NAV3: variants seen among roughly 807,000 people sequenced by gnomAD.
NAV3 encodes pore membrane and/or filament interacting like protein 1.
A neutral mutation model predicts 244.7 loss-of-function variants in NAV3; 87 were observed. The observed-to-expected ratio is 0.36, with a 90% CI of 0.30 to 0.42. The LOEUF (loss-of-function observed/expected upper bound fraction) is 0.42. Ranked by LOEUF, NAV3 falls within the 20% of genes least tolerant of loss-of-function variation. The pLI is 1.00. For missense variants in NAV3, 2,663 were observed against 2,893.3 expected, an observed-to-expected ratio of 0.92 and a Z score of 1.83; for synonymous variants, 1,126 against 1,042.2, an observed-to-expected ratio of 1.08 and a Z score of -1.55.
chr12:77,647,147 A>G (rs1872637965), intron 2 of NAV3, among the ~76,000 whole-genome samples: 1 of 152,094 alleles, frequency 6.6e-6, no homozygotes, highest in African/African-American at 2.4e-5. Flanking sequence ...GTAGCAGCAA[A>G]ACTTTGGAAA....
intron 8 of NAV3, 109 bp downstream of exon 8, chr12:78,007,554 G>C (rs911688897): frequency 2.1e-5 from 26 of 1,222,726 alleles, no homozygotes; most frequent in Non-Finnish European, 3.3e-6. Flanking sequence ...TCATTTTGGA[G>C]TAAAGTTTCA....
At chr12:77,939,351 T>C (rs941007051) in intron 1 of NAV3, among the ~76,000 whole-genome samples, 8 of 152,156 alleles carry the variant, frequency 5.3e-5, no homozygotes, top group African/African-American at 1.9e-4. Flanking sequence ...GGTTCTATGT[T>C]ATTTCCAGTT....
intron 5 of NAV3, among the ~76,000 whole-genome samples, chr12:77,986,277 G>A (rs926824167): frequency 2.6e-5 from 4 of 152,120 alleles, no homozygotes; most frequent in East Asian, 1.9e-4. Context: ...CAGGAGAATC[G>A]CTTGAACCTG....
At chr12:78,033,318 G>C (rs1056437439) in intron 9 of NAV3, among the ~76,000 whole-genome samples, 1 of 151,624 alleles carries the variant, frequency 6.6e-6, no homozygotes, top group Non-Finnish European at 1.5e-5. Context: ...TACTTAAATA[G>C]CCACATTATA....
intron 12 of NAV3, among the ~76,000 whole-genome samples, 189 bp downstream of exon 12, chr12:78,059,304 G>A (rs1168127733): frequency 6.6e-6 from 1 of 151,524 alleles, no homozygotes; most frequent in Admixed American, 6.6e-5. Context: ...TTTTTTGTGT[G>A]TGTGAGACAG....
intron 1 of NAV3, among the ~76,000 whole-genome samples, chr12:77,838,747 A>G (rs1301883658): frequency 6.6e-6 from 1 of 152,238 alleles, no homozygotes; most frequent in African/African-American, 2.4e-5. Context: ...TGAACTTGAA[A>G]GATTAAGTGG....
intron 39 of NAV3, among the ~76,000 whole-genome samples, chr12:78,209,848 A>G (rs536998271): frequency 1.6e-4 from 25 of 152,232 alleles, no homozygotes; most frequent in Non-Finnish European, 2.9e-4. Context: ...TCCCTCTTCA[A>G]ACACTCATGG....
intron 9 of NAV3, among the ~76,000 whole-genome samples, chr12:78,028,133 A>C (rs1415305856): frequency 6.6e-6 from 1 of 152,156 alleles, no homozygotes; most frequent in Non-Finnish European, 1.5e-5. Context: ...AGTGATGAAC[A>C]GAATTAATGA....
chr12:78,067,115 G>A (rs1593451248), intron 12 of NAV3, among the ~76,000 whole-genome samples: 1 of 152,146 alleles, frequency 6.6e-6, no homozygotes, highest in Admixed American at 6.6e-5. Flanking sequence ...AAATATCTCT[G>A]GGATCAGGTT....
intron 5 of NAV3, among the ~76,000 whole-genome samples, chr12:77,983,563 A>T (rs7968534): frequency 6.6e-6 from 1 of 151,936 alleles, no homozygotes; most frequent in African/African-American, 2.4e-5. Context: ...CCTAGGAGAG[A>T]AGCCAGAGCC....
Position 78,175,437 on chromosome 12 carries a change from C to T in NAV3, c.5103+10C>T, listed in dbSNP as rs2139652242. The T allele has an allele frequency of 1.2e-6, 2 of 1,606,566 alleles. No homozygotes were observed. Among genetic ancestry groups the T allele is most frequent in the South Asian group, 2.2e-5 (2 of 90,920 alleles). On this transcript the variant is annotated intron_variant, in intron 25 of 39. Transcript: ENST00000397909. Reference sequence around the variant, plus strand: ...GAAAAAGAAAAACTGGGTAAGTTACCATCCTTCATCTAATTCAGAAGCTTA... The same window carrying T: ...GAAAAAGAAAAACTGGGTAAGTTACTATCCTTCATCTAATTCAGAAGCTTA...
At position 78,183,878 on chromosome 12, in the gene NAV3, A is replaced by G. The variant is rs554714647; in HGVS notation, c.5693-1723A>G. The stretch of plus-strand genomic sequence containing the variant: ...CTCCTCACCCTCCCCTTGTCTCTAC[A>G]TTCCTGCTACCCTAAACATCTCTGT... On this transcript the variant is annotated intron_variant, in intron 30 of 39. Coordinates refer to ENST00000397909, the MANE Select transcript of NAV3 (RefSeq NM_001024383.2). 1.2e-3 allele frequency among the ~76,000 whole-genome samples: 183 copies of G among 151,946 alleles called. 4 individuals carry two copies. Among genetic ancestry groups the G allele is most frequent in the Non-Finnish European group, 1.0e-4 (7 of 67,866 alleles).
chr12:77,574,585 T>G (rs1159878652), intron 2 of NAV3, among the ~76,000 whole-genome samples: 2 of 152,130 alleles, frequency 1.3e-5, no homozygotes, highest in African/African-American at 4.8e-5. Context: ...TCCTGCTTCA[T>G]TGAGAGGTGA....
intron 1 of NAV3, among the ~76,000 whole-genome samples, chr12:77,896,024 C>CA (rs1199160759): frequency 2.9e-5 from 4 of 136,082 alleles, no homozygotes; most frequent in African/African-American, 8.1e-5. Context: ...AAATCTTTTA[C>CA]AAAAATGAGA....
intron 2 of NAV3, among the ~76,000 whole-genome samples, chr12:77,792,003 G>C (rs1052104889): frequency 6.6e-6 from 1 of 152,144 alleles, no homozygotes; most frequent in Admixed American, 6.5e-5. Context: ...AATCCCCTGT[G>C]GATATTGAGT....
At chr12:78,142,749 T>C (rs1182119777) in intron 20 of NAV3, among the ~76,000 whole-genome samples, 1 of 128,538 alleles carries the variant, frequency 7.8e-6, no homozygotes, top group African/African-American at 2.9e-5. Context: ...ATATATATAT[T>C]TATAGGCCAA....
At chr12:77,683,644 A>C (rs932816275) in intron 2 of NAV3, among the ~76,000 whole-genome samples, 3 of 152,182 alleles carry the variant, frequency 2.0e-5, no homozygotes, top group Non-Finnish European at 4.4e-5. Flanking sequence ...TATTTTAAAC[A>C]ATATTTTTAA....
chr12:77,965,720 T>A (rs1892454070), intron 3 of NAV3, among the ~76,000 whole-genome samples: 1 of 152,232 alleles, frequency 6.6e-6, no homozygotes, highest in African/African-American at 2.4e-5. Context: ...TATTCACCTC[T>A]AGAAATACAA....
Position 77,835,250 on chromosome 12 carries a change from A to G in NAV3, c.243+3546A>G, listed in dbSNP as rs796616345. ...AGTTCCAAGGCCTTACCTTGCTCCAATGGAGACTGAAAAATGTAGTATTTG... is the reference window on the plus strand; with the variant it reads ...AGTTCCAAGGCCTTACCTTGCTCCAGTGGAGACTGAAAAATGTAGTATTTG... On this transcript the variant is annotated intron_variant, in intron 1 of 39. Coordinates refer to ENST00000397909, the MANE Select transcript of NAV3 (RefSeq NM_001024383.2). Among the ~76,000 whole-genome samples, 6 of 152,296 alleles carry G rather than the reference A, an allele frequency of 3.9e-5. No individual in the cohort carries two copies. In the East Asian group the frequency reaches 5.8e-4, roughly 15 times the overall value.
Sources: allele counts gnomAD v4.1 joint callset (sites outside exome capture counted in the v4.1 genomes callset), GRCh38; gene constraint gnomAD v4.1.1; transcripts MANE v1.5; gene names NCBI Gene and HGNC (gene_info 2026-07-23, HGNC 2026-07-21).